The following DLGAP2 variants were observed in gnomAD, a reference collection of about 807,000 sequenced individuals.
DLGAP2 encodes disks large-associated protein 2.
In DLGAP2, 26 loss-of-function variants were observed where a neutral mutation model predicts 100.3. That is an observed-to-expected ratio of 0.26 (90% confidence interval 0.19 to 0.36). The LOEUF is 0.36. Ranked by LOEUF, DLGAP2 falls within the 10% of genes least tolerant of loss-of-function variation. DLGAP2 has a pLI of 1.00. For missense variants in DLGAP2, 1,858 were observed against 1,453.2 expected, an observed-to-expected ratio of 1.28 and a Z score of -4.53; for synonymous variants, 886 against 630.1, an observed-to-expected ratio of 1.41 and a Z score of -6.08.
At chr8:1,157,141 T>C (rs1796806971) in intron 2 of DLGAP2, among the ~76,000 whole-genome samples, 1 of 152,166 alleles carries the variant, frequency 6.6e-6, no homozygotes, top group Non-Finnish European at 1.5e-5. Flanking sequence ...CTTGTGGATT[T>C]ACTGGTGACC....
intron 2 of DLGAP2, among the ~76,000 whole-genome samples, chr8:1,204,655 A>G (rs1797951921): frequency 1.3e-5 from 2 of 152,196 alleles, no homozygotes; most frequent in Admixed American, 6.5e-5. Flanking sequence ...TTCGCCAAAG[A>G]ACCCAGCCCA....
At chr8:1,261,878 T>C (rs893116102) in intron 3 of DLGAP2, among the ~76,000 whole-genome samples, 5 of 152,200 alleles carry the variant, frequency 3.3e-5, no homozygotes, top group African/African-American at 1.2e-4. Context: ...AGTTAACTCA[T>C]AAATGTCATG....
At chr8:1,124,915 G>T (rs1335753584) in intron 2 of DLGAP2, among the ~76,000 whole-genome samples, 14 of 152,144 alleles carry the variant, frequency 9.2e-5, no homozygotes, top group Admixed American at 9.2e-4. Flanking sequence ...CCCTCAGAAG[G>T]CTCTGCCCCT....
At chr8:830,908 T>G (rs1025960275) in intron 1 of DLGAP2, among the ~76,000 whole-genome samples, 1 of 151,360 alleles carries the variant, frequency 6.6e-6, no homozygotes, top group Non-Finnish European at 1.5e-5. Flanking sequence ...TTTTTTTTTT[T>G]TTTTTGAGAT....
chr8:926,156 G>T (rs995902611), intron 2 of DLGAP2, among the ~76,000 whole-genome samples: 1 of 152,130 alleles, frequency 6.6e-6, no homozygotes, highest in Non-Finnish European at 1.5e-5. Flanking sequence ...TGAGCGGCTC[G>T]CCTGTGGTCG....
intron 3 of DLGAP2, among the ~76,000 whole-genome samples, chr8:1,372,902 C>A (rs573991090): frequency 4.6e-5 from 7 of 152,326 alleles, no homozygotes; most frequent in African/African-American, 1.7e-4. Context: ...GGGATTCAGT[C>A]TAAAGATCCG....
chr8:1,559,406 A>T (rs999485997), intron 5 of DLGAP2, among the ~76,000 whole-genome samples: 3 of 152,164 alleles, frequency 2.0e-5, no homozygotes, highest in Admixed American at 6.5e-5. Context: ...CTGGCATTTT[A>T]GTATTGCTCT....
intron 2 of DLGAP2, among the ~76,000 whole-genome samples, chr8:1,021,990 T>G (rs532847348): frequency 6.6e-6 from 1 of 152,178 alleles, no homozygotes; most frequent in Non-Finnish European, 1.5e-5. Context: ...CCAAGTTGCA[T>G]GTGCGAAAGC....
chr8:1,146,578 T>C (rs968215022), intron 2 of DLGAP2, among the ~76,000 whole-genome samples: 6 of 122,716 alleles, frequency 4.9e-5, no homozygotes, highest in Non-Finnish European at 9.0e-5. Context: ...TGTGTGTGTA[T>C]GCACATGTGT....
chr8:757,897 C>G (rs1382452151), intron 1 of DLGAP2, among the ~76,000 whole-genome samples: 2 of 152,162 alleles, frequency 1.3e-5, no homozygotes, highest in East Asian at 3.9e-4. Flanking sequence ...TGCGTCTTGT[C>G]TCCTCGTTTC....
intron 6 of DLGAP2, among the ~76,000 whole-genome samples, chr8:1,609,727 G>C: frequency 8.6e-6 from 1 of 116,210 alleles, no homozygotes; most frequent in Non-Finnish European, 1.8e-5. Flanking sequence ...AAAAAGGCAG[G>C]GGTTGCAATC....
intron 3 of DLGAP2, among the ~76,000 whole-genome samples, chr8:1,284,206 G>T (rs1157189319): frequency 6.6e-6 from 1 of 152,246 alleles, no homozygotes; most frequent in Non-Finnish European, 1.5e-5. Context: ...GTGGTTGCCA[G>T]TGGTCATTTA....
intron 1 of DLGAP2, among the ~76,000 whole-genome samples, chr8:801,803 C>T (rs906377915): frequency 6.6e-6 from 1 of 152,158 alleles, no homozygotes; most frequent in Non-Finnish European, 1.5e-5. Context: ...ACAGATGGTC[C>T]CTGCTCGGGG....
intron 3 of DLGAP2, among the ~76,000 whole-genome samples, chr8:1,273,653 G>T (rs1373804328): frequency 7.2e-5 from 11 of 152,196 alleles, no homozygotes; most frequent in Non-Finnish European, 1.6e-4. Context: ...GGAGTTTACT[G>T]CAGGCATATT....
chr8:1,023,634 C>G (rs1350336193), intron 2 of DLGAP2, among the ~76,000 whole-genome samples: 2 of 150,992 alleles, frequency 1.3e-5, no homozygotes, highest in African/African-American at 2.4e-5. Flanking sequence ...ACCTGGTGAT[C>G]ATTGTTCCCC....
intron 3 of DLGAP2, among the ~76,000 whole-genome samples, chr8:1,478,256 G>A (rs1172124053): frequency 6.6e-6 from 1 of 152,132 alleles, no homozygotes; most frequent in Non-Finnish European, 1.5e-5. Context: ...TGAACTGTCT[G>A]GGGTATGGGT....
intron 4 of DLGAP2, among the ~76,000 whole-genome samples, chr8:1,503,874 G>A (rs1463744018): frequency 6.6e-6 from 1 of 152,142 alleles, no homozygotes; most frequent in Non-Finnish European, 1.5e-5. Flanking sequence ...CCCCTCTTGG[G>A]GTGGTACGTG....
chr8:740,707 C>T (rs1234827704), intron 1 of DLGAP2, among the ~76,000 whole-genome samples: 2 of 152,106 alleles, frequency 1.3e-5, no homozygotes, highest in African/African-American at 4.8e-5. Context: ...ATATCATCTT[C>T]CATAATGTTG....
At chr8:1,110,108 G>T (rs1804901006) in intron 2 of DLGAP2, among the ~76,000 whole-genome samples, 1 of 145,638 alleles carries the variant, frequency 6.9e-6, no homozygotes, top group Non-Finnish European at 1.5e-5. Context: ...AGGTGTGCAT[G>T]GGTCTGTGAG....
Sources: gnomAD v4.1 joint callset for allele counts (sites outside exome capture counted in the v4.1 genomes callset) on GRCh38, gnomAD v4.1.1 for gene constraint, MANE v1.5 for transcripts, NCBI Gene and HGNC (gene_info 2026-07-23, HGNC 2026-07-21) for gene names.